Variants in EBF1 observed in about 807,000 individuals in gnomAD.
EBF1 encodes the protein transcription factor COE1.
A neutral mutation model predicts 68.4 loss-of-function variants in EBF1; 10 were observed. That is an observed-to-expected ratio of 0.15 (90% CI 0.09 to 0.25). EBF1 has a LOEUF of 0.25. Among genes scored for constraint, EBF1 ranks in the 10% least tolerant of loss-of-function variants. The probability of loss-of-function intolerance (pLI) is 1.00; values close to 1 mark genes in which losing one functional copy is unlikely to be tolerated. For missense variants in EBF1, 509 were observed against 794.4 expected (o/e 0.64, Z 4.32); for synonymous variants, 298 against 299.8 (o/e 0.99, Z 0.06).
intron 6 of EBF1, among the ~76,000 whole-genome samples, chr5:159,040,625 T>G (rs1475524613): frequency 6.6e-6 from 1 of 152,226 alleles, no homozygotes; most frequent in African/African-American, 2.4e-5. Flanking sequence ...ACAAAGATTT[T>G]TTTACATATG....
intron 6 of EBF1, among the ~76,000 whole-genome samples, chr5:158,993,959 C>T (rs929664727): frequency 6.6e-6 from 1 of 152,154 alleles, no homozygotes; most frequent in South Asian, 2.1e-4. Context: ...TTTGCAAATG[C>T]CTATGGTTGT....
chr5:158,979,491 C>A (rs932560530), intron 6 of EBF1, among the ~76,000 whole-genome samples: 3 of 151,880 alleles, frequency 2.0e-5, no homozygotes, highest in Admixed American at 1.3e-4. Context: ...TAGGTTTTTG[C>A]GATGGTAAAT....
At chr5:158,794,176 C>T (rs1200805747) in intron 9 of EBF1, among the ~76,000 whole-genome samples, 1 of 152,166 alleles carries the variant, frequency 6.6e-6, no homozygotes, top group Non-Finnish European at 1.5e-5. Context: ...CATGCATCCT[C>T]CACCCTCAGC....
At chr5:159,085,639 G>A (rs1214002886) in intron 4 of EBF1, among the ~76,000 whole-genome samples, 1 of 152,168 alleles carries the variant, frequency 6.6e-6, no homozygotes, top group East Asian at 1.9e-4. Context: ...ACTGTATCAC[G>A]GCATAATACT....
chr5:158,893,740 C>T (rs1031206513), intron 6 of EBF1, among the ~76,000 whole-genome samples: 3 of 152,148 alleles, frequency 2.0e-5, no homozygotes, highest in Non-Finnish European at 4.4e-5. Context: ...CAAGTATATT[C>T]TCCACAAGAC....
At chr5:158,769,314 C>T (rs1773419323) in intron 10 of EBF1, among the ~76,000 whole-genome samples, 1 of 152,102 alleles carries the variant, frequency 6.6e-6, no homozygotes, top group Non-Finnish European at 1.5e-5. Context: ...CCGGCCTTAT[C>T]ACTTATTAAC....
chr5:158,977,781 T>G (rs959560046), intron 6 of EBF1, among the ~76,000 whole-genome samples: 4 of 152,332 alleles, frequency 2.6e-5, no homozygotes, highest in African/African-American at 9.6e-5. Context: ...GTGGGCTGCC[T>G]GGGAATGCAT....
intron 6 of EBF1, among the ~76,000 whole-genome samples, chr5:158,997,278 C>T (rs1449580483): frequency 2.0e-5 from 3 of 152,188 alleles, no homozygotes; most frequent in African/African-American, 7.2e-5. Context: ...GAGAGCCAGA[C>T]TGGGACCCTC....
intron 6 of EBF1, among the ~76,000 whole-genome samples, chr5:158,990,054 G>T (rs752244882): frequency 6.6e-6 from 1 of 152,164 alleles, no homozygotes; most frequent in Admixed American, 6.5e-5. Flanking sequence ...ATTAAGAGAC[G>T]GATCAGGAAG....
intron 10 of EBF1, among the ~76,000 whole-genome samples, chr5:158,774,828 C>A (rs1166379216): frequency 6.6e-6 from 1 of 151,910 alleles, no homozygotes; most frequent in Non-Finnish European, 1.5e-5. Flanking sequence ...TGTAGGTCAC[C>A]AATGAACACA....
intron 10 of EBF1, among the ~76,000 whole-genome samples, chr5:158,769,204 A>G (rs1321247431): frequency 6.6e-6 from 1 of 152,150 alleles, no homozygotes; most frequent in Non-Finnish European, 1.5e-5. Context: ...TATCCCTATT[A>G]CATGAATGAT....
intron 6 of EBF1, among the ~76,000 whole-genome samples, chr5:158,878,679 T>C (rs1286341896): frequency 6.7e-6 from 1 of 148,626 alleles, no homozygotes; most frequent in Non-Finnish European, 1.5e-5. Context: ...AGTCTTGCTC[T>C]GTCACCCAGG....
At chr5:158,885,386 C>T (rs1455304398) in intron 6 of EBF1, among the ~76,000 whole-genome samples, 1 of 152,140 alleles carries the variant, frequency 6.6e-6, no homozygotes, top group Non-Finnish European at 1.5e-5. Flanking sequence ...TGGACGCAGG[C>T]AAGAAATGTT....
At chr5:159,041,173 T>C (rs1771127671) in intron 6 of EBF1, among the ~76,000 whole-genome samples, 1 of 152,238 alleles carries the variant, frequency 6.6e-6, no homozygotes, top group African/African-American at 2.4e-5. Flanking sequence ...AATGCCTTAA[T>C]AAACTAACAG....
chr5:159,012,320 G>A (rs1438868326), intron 6 of EBF1, among the ~76,000 whole-genome samples: 1 of 151,512 alleles, frequency 6.6e-6, no homozygotes, highest in Admixed American at 6.6e-5. Flanking sequence ...GAAAAGAAAA[G>A]AAAATGCTGA....
chr5:159,052,009 C>CA (rs11398005), intron 6 of EBF1, among the ~76,000 whole-genome samples: 133,008 of 151,966 alleles, frequency 0.88, 58,574 homozygotes, highest in African/African-American at 0.97. Flanking sequence ...AAGACACACG[C>CA]AAAAAAATTA....
intron 6 of EBF1, among the ~76,000 whole-genome samples, chr5:159,026,798 C>A (rs186462791): frequency 6.6e-6 from 1 of 152,116 alleles, no homozygotes; most frequent in Non-Finnish European, 1.5e-5. Flanking sequence ...GGACCAATGT[C>A]GCTTTATTTT....
At chr5:158,766,365 A>G (rs1019986266) in intron 10 of EBF1, among the ~76,000 whole-genome samples, 1 of 152,170 alleles carries the variant, frequency 6.6e-6, no homozygotes, top group Non-Finnish European at 1.5e-5. Context: ...TTTTTAAAAC[A>G]ACTGATGGAA....
intron 6 of EBF1, among the ~76,000 whole-genome samples, chr5:159,015,559 T>C (rs550007365): frequency 3.3e-5 from 5 of 152,318 alleles, no homozygotes; most frequent in Admixed American, 2.0e-4. Flanking sequence ...CTCTTCAGGA[T>C]GCCTGTCTGC....
Sources: gnomAD v4.1 joint callset for allele counts (sites outside exome capture counted in the v4.1 genomes callset) on GRCh38, gnomAD v4.1.1 for gene constraint, MANE v1.5 for transcripts, NCBI Gene and HGNC (gene_info 2026-07-23, HGNC 2026-07-21) for gene names.